The following IPO8 variants were observed in gnomAD, a reference collection of about 807,000 sequenced individuals.
IPO8 encodes importin 8, also known as importin-8.
A neutral mutation model predicts 141.2 loss-of-function variants in IPO8; 65 were observed. That is an observed-to-expected ratio of 0.46 (90% confidence interval 0.38 to 0.57). IPO8 has a LOEUF of 0.57. IPO8 is among the 20% of genes least tolerant of loss of function. The pLI is 0.00. For missense variants in IPO8, 980 were observed against 1,246.8 expected (o/e 0.79, Z 3.22); for synonymous variants, 411 against 420.3 (o/e 0.98, Z 0.27).
chr12:30,642,771 A>C (rs990430728), intron 20 of IPO8, among the ~76,000 whole-genome samples: 2 of 152,082 alleles, frequency 1.3e-5, no homozygotes, highest in South Asian at 4.1e-4. Flanking sequence ...CGAGACATCT[A>C]TAAGATAAGC....
chr12:30,671,185 A>G, intron 8 of IPO8, 89 bp from the exon 9 acceptor site: 1 of 763,408 alleles, frequency 1.3e-6, no homozygotes, highest in Non-Finnish European at 2.2e-6. Context: ...TAAAATTCAG[A>G]ATCCATAGAA....
Position 30,674,075 on chromosome 12 carries a change from C to A in IPO8, c.825-1G>T. The A allele has an allele frequency of 1.3e-6, 2 of 1,546,656 alleles. No homozygotes were observed. The highest frequency in any genetic ancestry group is 1.8e-6 in the Non-Finnish European group (2 of 1,126,704). On this transcript the variant is annotated splice_acceptor_variant, in intron 7 of 24. Coordinates refer to ENST00000256079, the MANE Select transcript of IPO8 (RefSeq NM_006390.4). LOFTEE classifies it high-confidence loss of function. ...TGTGACATTTCCTGGGCTTCCATAT[C>A]TTAAAATACAAAGAGAAAATGTACA... is the stretch of plus-strand genomic sequence containing the variant.
intron 9 of IPO8, 125 bp downstream of exon 9, chr12:30,670,837 A>G (rs773591715): frequency 6.9e-5 from 49 of 714,424 alleles, no homozygotes; most frequent in Non-Finnish European, 9.7e-5. Flanking sequence ...TTCACTCATT[A>G]GAAATTATTA....
intron 5 of IPO8, chr12:30,676,838 C>T: frequency 8.9e-7 from 1 of 1,127,960 alleles, no homozygotes; most frequent in South Asian, 1.3e-5. Context: ...CAAATGAATA[C>T]CACTGAGGTC....
chr12:30,648,897 T>C (rs78254017), intron 20 of IPO8, among the ~76,000 whole-genome samples: 3 of 70,490 alleles, frequency 4.3e-5, no homozygotes, highest in African/African-American at 3.6e-4. Flanking sequence ...TCCTTCATTA[T>C]TTTTTTGATA....
intron 5 of IPO8, among the ~76,000 whole-genome samples, chr12:30,677,469 T>C (rs1049425158): frequency 2.0e-5 from 3 of 152,196 alleles, no homozygotes; most frequent in African/African-American, 4.8e-5. Flanking sequence ...ATACTTTTCA[T>C]CATTAGAGTG....
At chr12:30,679,768 C>T (rs1438486020) in intron 5 of IPO8, among the ~76,000 whole-genome samples, 3 of 152,210 alleles carry the variant, frequency 2.0e-5, no homozygotes, top group Non-Finnish European at 4.4e-5. Context: ...CCATCCTCTT[C>T]TCACGACAAA....
At chr12:30,679,116 G>T (rs1249803699) in intron 5 of IPO8, among the ~76,000 whole-genome samples, 1 of 152,184 alleles carries the variant, frequency 6.6e-6, no homozygotes, top group Admixed American at 6.5e-5. Context: ...TGGGATTACA[G>T]ACCTGACCCA....
chr12:30,642,611 A>G (rs1341731917), intron 20 of IPO8, among the ~76,000 whole-genome samples: 1 of 151,402 alleles, frequency 6.6e-6, no homozygotes, highest in Admixed American at 6.6e-5. Flanking sequence ...GTAGCTAATT[A>G]TCAATTTATT....
chr12:30,639,806 C>G, intron 20 of IPO8, 71 bp from the exon 21 acceptor site: 1 of 1,022,092 alleles, frequency 9.8e-7, no homozygotes, highest in African/African-American at 1.6e-5. Context: ...TGAATATTGG[C>G]AGAGCATTCT....
At chr12:30,688,417 A>C (rs1235193439) in intron 2 of IPO8, 2 of 444,108 alleles carry the variant, frequency 4.5e-6, no homozygotes, top group East Asian at 1.5e-4. Context: ...GCAAAAGAGA[A>C]AAAGTATTTT....
At chr12:30,660,146 C>G (rs1342754345) in intron 16 of IPO8, among the ~76,000 whole-genome samples, 1 of 152,062 alleles carries the variant, frequency 6.6e-6, no homozygotes. Context: ...TTGCTTGAAC[C>G]CGGAAGGTGG....
rs375809811 is a variant in IPO8, at chr12:30,662,340, A to G, written c.1742T>C (p.Met581Thr). 19 of 1,613,442 alleles carry G rather than the reference A, an allele frequency of 1.2e-5. No individual in the cohort carries two copies. Among genetic ancestry groups the G allele is most frequent in the Non-Finnish European group, 6.8e-6 (8 of 1,179,734 alleles). Residue 581 changes from methionine (M) to threonine (T), a missense_variant, in exon 15 of 25, where the codon ATG (methionine) becomes ACG (threonine). Physicochemically the swap from Met to Thr is moderately conservative, Grantham distance 81. Transcript: ENST00000256079. ...GCCCGGTCTTACCAAGTGTTGGGTC[A>G]TATCAACAGCAATTGAGGCTACCTC... ...SQEVASIAVD[M>T]TQHLAEIFGK... is the part of the protein sequence containing the mutation.
chr12:30,636,473 A>G (rs1188900272), intron 22 of IPO8, among the ~76,000 whole-genome samples: 1 of 152,122 alleles, frequency 6.6e-6, no homozygotes, highest in Non-Finnish European at 1.5e-5. Context: ...CTTTACCTTA[A>G]TTTATATTTA....
chr12:30,644,895 C>T (rs2052622903), intron 20 of IPO8, among the ~76,000 whole-genome samples: 1 of 151,294 alleles, frequency 6.6e-6, no homozygotes, highest in South Asian at 2.1e-4. Flanking sequence ...TCAGGTGATC[C>T]ACCCGCCTCA....
chr12:30,669,290 G>T lies in IPO8; in HGVS notation c.1045-8C>A. On this transcript the variant is annotated splice_polypyrimidine_tract_variant and splice_region_variant and intron_variant, in intron 9 of 24. Coordinates refer to ENST00000256079, the MANE Select transcript of IPO8 (RefSeq NM_006390.4). ...CACATCTTCAGAGATATTCTAAAATGAGAAAAAAAAAAAAACGTAACAAAT... is the reference window on the plus strand; with the variant it reads ...CACATCTTCAGAGATATTCTAAAATTAGAAAAAAAAAAAAACGTAACAAAT... The T allele has an allele frequency of 3.9e-6, 5 of 1,297,480 alleles. No homozygotes were observed. The highest frequency in any genetic ancestry group is 4.3e-6 in the Non-Finnish European group (4 of 938,520). The allele number at this position is 1,297,480 out of a possible 1,614,324, so 80.4% of individuals were successfully genotyped here. A position where few individuals can be genotyped will look rare whatever the true frequency, so the allele number is the denominator to read the frequency against.
At chr12:30,686,992 G>A (rs984727314) in intron 2 of IPO8, among the ~76,000 whole-genome samples, 1 of 151,908 alleles carries the variant, frequency 6.6e-6, no homozygotes, top group Non-Finnish European at 1.5e-5. Flanking sequence ...GGATAATTAT[G>A]GATTACTAAG....
intron 1 of IPO8, among the ~76,000 whole-genome samples, chr12:30,694,643 A>AG (rs1377643149): frequency 6.6e-6 from 1 of 152,162 alleles, no homozygotes; most frequent in Non-Finnish European, 1.5e-5. Context: ...ATAATTTGTA[A>AG]GTTCTCAGGT....
chr12:30,656,329 T>G (rs2052799841), intron 17 of IPO8, among the ~76,000 whole-genome samples: 1 of 152,210 alleles, frequency 6.6e-6, no homozygotes, highest in African/African-American at 2.4e-5. Context: ...TGAGCCACGG[T>G]GCCCAGCCAT....
Sources: allele counts gnomAD v4.1 joint callset (sites outside exome capture counted in the v4.1 genomes callset), GRCh38; gene constraint gnomAD v4.1.1; transcripts MANE v1.5; gene names NCBI Gene and HGNC (gene_info 2026-07-23, HGNC 2026-07-21).